The following APCDD1 variants were observed in gnomAD, a reference collection of about 807,000 sequenced individuals.
The protein encoded by APCDD1 is APC down-regulated 1.
APCDD1 carries 15 observed loss-of-function variants against 38.1 expected under a neutral mutation model. That is an observed-to-expected ratio of 0.39 (90% CI 0.26 to 0.61). The LOEUF (loss-of-function observed/expected upper bound fraction) is 0.61, where lower values mean the gene tolerates loss of function less well. Among genes scored for constraint, APCDD1 ranks in the 20% least tolerant of loss-of-function variants. The probability of loss-of-function intolerance (pLI) is 0.49; values close to 1 mark genes in which losing one functional copy is unlikely to be tolerated. For missense variants in APCDD1, 647 were observed against 696.2 expected, an observed-to-expected ratio of 0.93 and a Z score of 0.79; for synonymous variants, 261 against 279.7, an observed-to-expected ratio of 0.93 and a Z score of 0.67.
Position 10,454,807 on chromosome 18 carries a change from C to G in APCDD1, c.-175C>G. 4 of 982,916 alleles carry G rather than the reference C, an allele frequency of 4.1e-6. No homozygotes were observed. Among genetic ancestry groups the G allele is most frequent in the Non-Finnish European group, 4.8e-6 (4 of 829,922 alleles). The allele number at this position is 982,916 out of a possible 1,614,324, so 60.9% of individuals were successfully genotyped here. A position where few individuals can be genotyped will look rare whatever the true frequency, so the allele number is the denominator to read the frequency against. On this transcript the variant is annotated 5_prime_UTR_variant, in exon 1 of 5. Transcript: ENST00000355285. ...CAGCCGCCCGACGGCGCCCAGAGAGCGCGCGCCCCGCAGCCCCGCGCCTAG... is the reference window on the plus strand; with the variant it reads ...CAGCCGCCCGACGGCGCCCAGAGAGGGCGCGCCCCGCAGCCCCGCGCCTAG...
chr18:10,483,557 T>C (rs779670219), intron 3 of APCDD1, among the ~76,000 whole-genome samples: 2 of 152,226 alleles, frequency 1.3e-5, no homozygotes, highest in Non-Finnish European at 2.9e-5. Context: ...TCCTGCCCTC[T>C]CTGGGAAACC....
Position 10,485,545 on chromosome 18 carries a change from C to T in APCDD1, c.858C>T (p.Asp286=). The T allele has an allele frequency of 1.9e-6, 3 of 1,614,148 alleles. No individual in the cohort carries two copies. Among genetic ancestry groups the T allele is most frequent in the Non-Finnish European group, 2.5e-6 (3 of 1,180,034 alleles). ...HHPPILPPKA[D]LTIGLHGEWV... Reference sequence around the variant, plus strand: ...CTCCCATCCTGCCCCCAAAGGCAGACCTGACCATCGGCCTGCACGGGGAGT... The same window carrying T: ...CTCCCATCCTGCCCCCAAAGGCAGATCTGACCATCGGCCTGCACGGGGAGT... Residue 286 remains aspartate, a synonymous_variant, in exon 4 of 5, where the codon GAC becomes GAT. Coordinates refer to ENST00000355285, the MANE Select transcript of APCDD1 (RefSeq NM_153000.5). This position sits in a 1 kb window ranked among gnomAD's most constrained non-coding sequence, Gnocchi z 5.8.
intron 3 of APCDD1, among the ~76,000 whole-genome samples, chr18:10,478,423 T>G (rs1168396405): frequency 6.6e-6 from 1 of 152,162 alleles, no homozygotes; most frequent in Admixed American, 6.5e-5. Context: ...CAAAGCAGCA[T>G]GGACTGGGGA....
rs1218223159 is a variant in APCDD1 at position 10,467,716 on chromosome 18, G to A, written c.59-753G>A. Among the ~76,000 whole-genome samples, 3 of 152,110 alleles carry A rather than the reference G, an allele frequency of 2.0e-5. No individual in the cohort carries two copies. Among genetic ancestry groups the A allele is most frequent in the East Asian group, 1.9e-4 (1 of 5,188 alleles). On this transcript the variant is annotated intron_variant, in intron 1 of 4. Transcript: ENST00000355285. The surrounding 1 kb of genome is among the most constrained non-coding windows in gnomAD (Gnocchi z 4.8). ...TTTAGGTTATTTCTGGCCTTGTGAG[G>A]GTGAGGGGCTGGACTTGGAAGATAA...
Position 10,485,404 on chromosome 18 carries a change from G to A in APCDD1, c.775-58G>A. The A allele has an allele frequency of 6.3e-7, 1 of 1,591,906 alleles. No homozygotes were observed. Among genetic ancestry groups the A allele is most frequent in the South Asian group, 1.1e-5 (1 of 90,674 alleles). On this transcript the variant is annotated intron_variant, in intron 3 of 4. Coordinates refer to ENST00000355285, the MANE Select transcript of APCDD1 (RefSeq NM_153000.5). This position sits in a 1 kb window ranked among gnomAD's most constrained non-coding sequence, Gnocchi z 5.8. The stretch of plus-strand genomic sequence containing the variant: ...GAGACCCCATTTGCCGGAAGCATGT[G>A]TGCACTGCTCCCTTGGGAAGATAGA...
intron 3 of APCDD1, among the ~76,000 whole-genome samples, chr18:10,473,815 T>G (rs2030922684): frequency 6.6e-6 from 1 of 152,178 alleles, no homozygotes; most frequent in Non-Finnish European, 1.5e-5. Flanking sequence ...TGCATAGCAT[T>G]TCTCTTGTTT....
intron 1 of APCDD1, among the ~76,000 whole-genome samples, chr18:10,460,250 T>C (rs2030499546): frequency 6.6e-6 from 1 of 152,228 alleles, no homozygotes; most frequent in Admixed American, 6.5e-5. Flanking sequence ...GCACGGTGGC[T>C]CACGCCTGTA....
At chr18:10,460,685 A>G (rs908916728) in intron 1 of APCDD1, among the ~76,000 whole-genome samples, 18 of 152,232 alleles carry the variant, frequency 1.2e-4, no homozygotes, top group African/African-American at 4.1e-4. Flanking sequence ...TAGGCACTCA[A>G]CCATTTGTTG....
intron 3 of APCDD1, chr18:10,477,843 A>G (rs565701681): frequency 6.6e-6 from 1 of 152,330 alleles, no homozygotes; most frequent in African/African-American, 2.4e-5. Context: ...TGGAAGAAAG[A>G]AACAAGTAAA....
Position 10,485,501 on chromosome 18 carries a change from C to G in APCDD1, c.814C>G (p.Arg272Gly). 6.2e-7 allele frequency: 1 copy of G among 1,614,164 alleles called. No individual in the cohort carries two copies. The highest frequency in any genetic ancestry group is 8.5e-7 in the Non-Finnish European group (1 of 1,180,026). ...CTGCATCGCCTGTCGGATCATCTAT[C>G]GGTCAGACGAGCACCACCCTCCCAT... ...HACIACRIIY[R>G]SDEHHPPILP... Residue 272 changes from arginine to glycine, a missense_variant, in exon 4 of 5, where the codon CGG becomes GGG. Physicochemically the swap from Arg to Gly is moderately radical, Grantham distance 125. Coordinates refer to ENST00000355285, the MANE Select transcript of APCDD1 (RefSeq NM_153000.5). This position sits in a 1 kb window ranked among gnomAD's most constrained non-coding sequence, Gnocchi z 5.8.
rs1191200272 is a variant in APCDD1, at chr18:10,485,559, T to C, written c.872T>C (p.Leu291Pro). The C allele has an allele frequency of 1.2e-6, 2 of 1,614,160 alleles. No homozygotes were observed. Among genetic ancestry groups the C allele is most frequent in the Non-Finnish European group, 1.7e-6 (2 of 1,180,036 alleles). ...CCAAAGGCAGACCTGACCATCGGCC[T>C]GCACGGGGAGTGGGTGAGCCAGCGC... The part of the protein sequence containing the change: ...LPPKADLTIG[L>P]HGEWVSQRCE... The change falls in exon 4 of 5, where the codon CTG becomes CCG. Residue 291 changes from leucine to proline, a missense_variant. Physicochemically the swap from Leu to Pro is moderately conservative, Grantham distance 98. Transcript: ENST00000355285. This position sits in a 1 kb window ranked among gnomAD's most constrained non-coding sequence, Gnocchi z 5.8.
chr18:10,485,047 G>C lies in APCDD1; in HGVS notation c.775-415G>C, dbSNP rs1662153. On this transcript the variant is annotated intron_variant, in intron 3 of 4. Transcript: ENST00000355285. The surrounding 1 kb of genome is among the most constrained non-coding windows in gnomAD (Gnocchi z 5.8). ...TGTTTTCCATAGTGGCTGGACCATT[G>C]TATATTCTCATCAGCTGTGTTTAAG... is the stretch of plus-strand genomic sequence containing the variant. Among the ~76,000 whole-genome samples the C allele has an allele frequency of 0.55, 84,118 of 151,894 alleles. 25,270 individuals carry two copies. Among genetic ancestry groups the C allele is most frequent in the African/African-American group, 0.79 (32,916 of 41,428 alleles).
intron 1 of APCDD1, among the ~76,000 whole-genome samples, chr18:10,457,891 G>A (rs1048732854): frequency 6.6e-6 from 1 of 152,196 alleles, no homozygotes; most frequent in African/African-American, 2.4e-5. Context: ...CGAGACCCAA[G>A]TTCAAAATTT....
chr18:10,468,686 A>G (rs774229764), intron 2 of APCDD1, 34 bp downstream of exon 2: 5 of 1,606,314 alleles, frequency 3.1e-6, no homozygotes, highest in Admixed American at 1.7e-5. Flanking sequence ...GAGAGGCCAG[A>G]GAGCACACCA....
In APCDD1 at chr18:10,454,779, C is replaced by A. The variant is rs2030322303; in HGVS notation, c.-203C>A. The A allele has an allele frequency of 2.0e-6, 2 of 980,350 alleles. No individual in the cohort carries two copies. The highest frequency in any genetic ancestry group is 3.5e-5 in the African/African-American group (2 of 56,774). 60.7% of individuals were successfully genotyped at this position (980,350 alleles called of 1,614,324 possible). A position where few individuals can be genotyped will look rare whatever the true frequency, so the allele number is the denominator to read the frequency against. On this transcript the variant is annotated 5_prime_UTR_variant, in exon 1 of 5. Coordinates refer to ENST00000355285, the MANE Select transcript of APCDD1 (RefSeq NM_153000.5). The stretch of plus-strand genomic sequence containing the variant: ...CGGGACGCGGACCGGGCCGGGGCGC[C>A]CACAGCCGCCCGACGGCGCCCAGAG...
intron 4 of APCDD1, 51 bp from the exon 5 acceptor site, chr18:10,487,539 G>T (rs762290378): frequency 1.3e-6 from 2 of 1,589,524 alleles, no homozygotes; most frequent in Admixed American, 3.3e-5. Context: ...TGGGTTTCTG[G>T]ATCCCACGCC....
chr18:10,488,121 C>G lies in APCDD1; in HGVS notation c.*83C>G. ...TTTACCAAAAGAAAAGACATTTATT[C>G]TTTTGATGCACTTGAATGCCAGAGA... On this transcript the variant is annotated 3_prime_UTR_variant, in exon 5 of 5. Coordinates refer to ENST00000355285, the MANE Select transcript of APCDD1 (RefSeq NM_153000.5). The G allele has an allele frequency of 6.6e-7, 1 of 1,514,956 alleles. No homozygotes were observed. The highest frequency in any genetic ancestry group is 1.2e-5 in the South Asian group (1 of 86,186). The allele number at this position is 1,514,956 out of a possible 1,614,324, so 93.8% of individuals were successfully genotyped here. A position where few individuals can be genotyped will look rare whatever the true frequency, so the allele number is the denominator to read the frequency against.
chr18:10,479,994 G>T lies in APCDD1; in HGVS notation c.775-5468G>T, dbSNP rs1402749056. 5.9e-5 allele frequency among the ~76,000 whole-genome samples: 9 copies of T among 152,016 alleles called. 1 individual carries two copies. Among genetic ancestry groups the T allele is most frequent in the Admixed American group, 5.9e-4 (9 of 15,258 alleles). On this transcript the variant is annotated intron_variant, in intron 3 of 4. Coordinates refer to ENST00000355285, the MANE Select transcript of APCDD1 (RefSeq NM_153000.5). ...ATCCTTTTTCTCCCTTCCCCTTTCT[G>T]ATGAAAGCTTTTTATAGTGTGTGTA...
chr18:10,464,052 G>A (rs1237085951), intron 1 of APCDD1, among the ~76,000 whole-genome samples: 9 of 152,146 alleles, frequency 5.9e-5, no homozygotes, highest in Non-Finnish European at 1.3e-4. Context: ...GCTATTTAAT[G>A]TCTTTTTTTT....
Sources: gnomAD v4.1 joint callset for allele counts (sites outside exome capture counted in the v4.1 genomes callset) on GRCh38, gnomAD v4.1.1 for gene constraint, Gnocchi (gnomAD v3.1) non-coding constraint, MANE v1.5 for transcripts, NCBI Gene and HGNC (gene_info 2026-07-23, HGNC 2026-07-21) for gene names.